The following ATF7IP variants were observed in gnomAD, a reference collection of about 807,000 sequenced individuals.
The protein encoded by ATF7IP is activating transcription factor 7-interacting protein 1.
In ATF7IP, 23 loss-of-function variants were observed where a neutral mutation model predicts 106.4. The ratio of observed to expected loss-of-function variants is 0.22; its 90% CI spans 0.16 to 0.31. The LOEUF is 0.31. Among genes scored for constraint, ATF7IP ranks in the 10% least tolerant of loss-of-function variants. The pLI is 1.00. For synonymous variants in ATF7IP, 542 were observed against 539.0 expected, an observed-to-expected ratio of 1.01 and a Z score of -0.08; for missense variants, 1,334 against 1,524.3, an observed-to-expected ratio of 0.88 and a Z score of 2.08.
chr12:14,409,117 A>C (rs1181428410), intron 1 of ATF7IP, among the ~76,000 whole-genome samples: 1 of 152,048 alleles, frequency 6.6e-6, no homozygotes, highest in African/African-American at 2.4e-5. Flanking sequence ...AATTTGAAAG[A>C]AGTAATAATT....
At chr12:14,432,878 A>G (rs1323197202) in intron 2 of ATF7IP, among the ~76,000 whole-genome samples, 1 of 152,212 alleles carries the variant, frequency 6.6e-6, no homozygotes, top group African/African-American at 2.4e-5. Context: ...ATAGAAGTCA[A>G]ACATCTTAAT....
chr12:14,375,141 GA>G (rs151015993), intron 1 of ATF7IP, among the ~76,000 whole-genome samples: 1,474 of 140,004 alleles, frequency 0.011, 16 homozygotes, highest in African/African-American at 0.03. Context: ...AGGTGGAGGT[GA>G]AAAAAAAAAG....
In ATF7IP at chr12:14,496,347, A is replaced by G; in HGVS notation, c.3393+4A>G. ...CCGACCACCACAAGTGCATACTGTA[A>G]GTGTTGATGCTTGGTTTTGCAAAAT... On this transcript the variant is annotated splice_donor_region_variant and intron_variant, in intron 14 of 14. Coordinates refer to ENST00000261168, the MANE Select transcript of ATF7IP (RefSeq NM_018179.5). 6.2e-7 allele frequency: 1 copy of G among 1,604,538 alleles called. No individual in the cohort carries two copies. The highest frequency in any genetic ancestry group is 8.5e-7 in the Non-Finnish European group (1 of 1,172,034).
rs189976434 is a variant in ATF7IP at position 14,502,041 on chromosome 12, C to G, written c.*3968C>G. 2 of 152,184 alleles carry G rather than the reference C, an allele frequency of 1.3e-5. No individual in the cohort carries two copies. Among genetic ancestry groups the G allele is most frequent in the Non-Finnish European group, 1.5e-5 (1 of 68,018 alleles). 9.4% of individuals were successfully genotyped at this position (152,184 alleles called of 1,614,324 possible). A position where few individuals can be genotyped will look rare whatever the true frequency, so the allele number is the denominator to read the frequency against. On this transcript the variant is annotated 3_prime_UTR_variant, in exon 15 of 15. Transcript: ENST00000261168. ...CACAGTAAGGTACTGCAAAGACCTT[C>G]CTTCCAAATGTTCTCCTTGACTTTA...
rs1169385884 is a variant in ATF7IP at position 14,437,797 on chromosome 12, T to C, written c.1792-333T>C. Among the ~76,000 whole-genome samples the C allele has an allele frequency of 2.6e-5, 4 of 152,294 alleles. No individual in the cohort carries two copies. The South Asian group carries it at 8.3e-4, about 32-fold the overall frequency. On this transcript the variant is annotated intron_variant, in intron 4 of 14. Transcript: ENST00000261168. ...GGCCGGGCGCGGTGGCTCACGCCTG[T>C]AATCCCAGCACTTTGGGAGGCCGAG...
intron 10 of ATF7IP, among the ~76,000 whole-genome samples, chr12:14,474,765 G>A (rs2136785201): frequency 6.6e-6 from 1 of 152,172 alleles, no homozygotes; most frequent in East Asian, 1.9e-4. Flanking sequence ...GCTCTGCTTA[G>A]AGTCAGTTTG....
At chr12:14,474,932 T>C (rs1485897972) in intron 10 of ATF7IP, among the ~76,000 whole-genome samples, 1 of 152,206 alleles carries the variant, frequency 6.6e-6, no homozygotes, top group Non-Finnish European at 1.5e-5. Context: ...AAATAACCCA[T>C]TTTCTGTGAA....
intron 14 of ATF7IP, among the ~76,000 whole-genome samples, chr12:14,496,819 G>A (rs1441922832): frequency 6.6e-6 from 1 of 152,164 alleles, no homozygotes; most frequent in East Asian, 1.9e-4. Flanking sequence ...CCAAAACAAT[G>A]TCACATTATC....
At chr12:14,404,721 A>T (rs965529110) in intron 1 of ATF7IP, among the ~76,000 whole-genome samples, 4 of 152,152 alleles carry the variant, frequency 2.6e-5, no homozygotes, top group Non-Finnish European at 5.9e-5. Flanking sequence ...GTAATTTATT[A>T]AAAAATGTAC....
At chr12:14,497,607 T>C in intron 14 of ATF7IP, 47 bp from the exon 15 acceptor site, 2 of 1,534,190 alleles carry the variant, frequency 1.3e-6, no homozygotes, top group South Asian at 1.2e-5. Flanking sequence ...CATTCTAAAA[T>C]AGTTCTTTTT....
intron 1 of ATF7IP, among the ~76,000 whole-genome samples, chr12:14,403,841 A>G (rs1940399445): frequency 1.3e-5 from 2 of 152,128 alleles, no homozygotes; most frequent in South Asian, 4.1e-4. Flanking sequence ...TTCATGTGGC[A>G]GAGAGCCAGA....
At chr12:14,439,375 G>A (rs946055189) in intron 5 of ATF7IP, among the ~76,000 whole-genome samples, 1 of 152,208 alleles carries the variant, frequency 6.6e-6, no homozygotes, top group African/African-American at 2.4e-5. Flanking sequence ...TAGAATTTAA[G>A]TGTGTCTCCC....
At chr12:14,368,813 T>C (rs986353164) in intron 1 of ATF7IP, among the ~76,000 whole-genome samples, 1 of 152,190 alleles carries the variant, frequency 6.6e-6, no homozygotes, top group African/African-American at 2.4e-5. Flanking sequence ...GTTTTTCTTA[T>C]TTGTTGGTAA....
chr12:14,368,177 G>C (rs1260688026), intron 1 of ATF7IP, among the ~76,000 whole-genome samples: 1 of 151,974 alleles, frequency 6.6e-6, no homozygotes, highest in Admixed American at 6.6e-5. Flanking sequence ...ACAATGCTTA[G>C]AAATAACCAC....
intron 1 of ATF7IP, among the ~76,000 whole-genome samples, chr12:14,390,217 A>G (rs1808023361): frequency 2.0e-5 from 3 of 152,234 alleles, no homozygotes; most frequent in Admixed American, 2.0e-4. Flanking sequence ...AAAAGAAAGT[A>G]AACATAAGTA....
At chr12:14,422,191 G>A (rs1941553260) in intron 1 of ATF7IP, among the ~76,000 whole-genome samples, 1 of 151,960 alleles carries the variant, frequency 6.6e-6, no homozygotes, top group African/African-American at 2.4e-5. Flanking sequence ...AAATATTAGA[G>A]TAAATAATTA....
intron 1 of ATF7IP, among the ~76,000 whole-genome samples, chr12:14,386,894 A>G (rs369320337): frequency 1.3e-5 from 2 of 152,186 alleles, no homozygotes; most frequent in African/African-American, 4.8e-5. Context: ...AAGATGGAAT[A>G]TAAGATCTAT....
chr12:14,391,394 AT>A (rs1352392414), intron 1 of ATF7IP, among the ~76,000 whole-genome samples: 1 of 152,244 alleles, frequency 6.6e-6, no homozygotes, highest in Non-Finnish European at 1.5e-5. Context: ...TGACTCGTGT[AT>A]CCCTTTGTTG....
At chr12:14,443,713 G>T (rs1474763320) in intron 5 of ATF7IP, among the ~76,000 whole-genome samples, 3 of 152,178 alleles carry the variant, frequency 2.0e-5, no homozygotes, top group African/African-American at 7.2e-5. Context: ...TTTGGTGTCA[G>T]TCTTGGGCAA....
Sources: allele counts gnomAD v4.1 joint callset (sites outside exome capture counted in the v4.1 genomes callset), GRCh38; gene constraint gnomAD v4.1.1; transcripts MANE v1.5; gene names NCBI Gene and HGNC (gene_info 2026-07-23, HGNC 2026-07-21).